TMEM242: variants seen among roughly 807,000 people sequenced by gnomAD.
TMEM242 encodes the protein UPF0463 transmembrane protein C6orf35.
In TMEM242, 10 loss-of-function variants were observed where a neutral mutation model predicts 18.2. The ratio of observed to expected loss-of-function variants is 0.55; its 90% CI spans 0.34 to 0.93. The LOEUF (loss-of-function observed/expected upper bound fraction) is 0.93. TMEM242 is among the 40% of genes least tolerant of loss of function. The pLI, the probability that TMEM242 is intolerant of heterozygous loss-of-function variation, is 0.02. For synonymous variants in TMEM242, 57 were observed against 69.9 expected (o/e 0.81, Z 0.92); for missense variants, 186 against 175.5 (o/e 1.06, Z -0.34).
chr6:157,295,998 T>G (rs587683491), intron 3 of TMEM242, among the ~76,000 whole-genome samples: 1 of 152,362 alleles, frequency 6.6e-6, no homozygotes, highest in South Asian at 2.1e-4. Context: ...TATCAATTTC[T>G]GATATGCAGT....
intron 3 of TMEM242, among the ~76,000 whole-genome samples, chr6:157,301,660 GC>G (rs1562379409): frequency 6.6e-6 from 1 of 152,208 alleles, no homozygotes; most frequent in Non-Finnish European, 1.5e-5. Flanking sequence ...AGGGCTGGAC[GC>G]AGTGGCTCAC....
chr6:157,306,263 A>G (rs1777917792), intron 3 of TMEM242, among the ~76,000 whole-genome samples: 1 of 152,226 alleles, frequency 6.6e-6, no homozygotes, highest in African/African-American at 2.4e-5. Flanking sequence ...GCAGAAGGGC[A>G]GAGAAAGGGC....
In TMEM242 at chr6:157,314,138, G is replaced by A. The variant is rs1443911434; in HGVS notation, c.327+4644C>T. Among the ~76,000 whole-genome samples the A allele has an allele frequency of 3.5e-3, 8 of 2,292 alleles. No homozygotes were observed. The East Asian group carries it at 0.071, about 20-fold the overall frequency. 1.5% of individuals were successfully genotyped at this position (2,292 alleles called of 152,430 possible). On this transcript the variant is annotated intron_variant, in intron 3 of 3. Transcript: ENST00000400788. ...ATTGTGTCCCAGTGTGCGCTCACCC[G>A]GCCTCATCATAGTGTCCCTGTGTGC...
chr6:157,309,201 T>G (rs1425984419), intron 3 of TMEM242, among the ~76,000 whole-genome samples: 1 of 152,154 alleles, frequency 6.6e-6, no homozygotes, highest in East Asian at 1.9e-4. Context: ...CACAAGATGC[T>G]CCAAAAGGAT....
chr6:157,322,838 TAAAA>T, intron 1 of TMEM242, 33 bp from the exon 2 acceptor site: 1 of 1,538,692 alleles, frequency 6.5e-7, no homozygotes, highest in African/African-American at 1.4e-5. Flanking sequence ...GGGGGGATAT[TAAAA>T]AAAATTAAAT....
At chr6:157,317,335 T>C (rs1554250433) in intron 3 of TMEM242, among the ~76,000 whole-genome samples, 1 of 152,196 alleles carries the variant, frequency 6.6e-6, no homozygotes, top group East Asian at 1.9e-4. Flanking sequence ...GTCCTCATCT[T>C]ACGTAACTTA....
At chr6:157,318,982 GGT>G in intron 2 of TMEM242, 63 bp from the exon 3 acceptor site, 1 of 1,474,884 alleles carries the variant, frequency 6.8e-7, no homozygotes, top group Non-Finnish European at 9.0e-7. Flanking sequence ...GCATTCTGGG[GGT>G]GTTTGCAAAT....
chr6:157,323,360 G>A lies in TMEM242; in HGVS notation c.88+52C>T. On this transcript the variant is annotated intron_variant, in intron 1 of 3. Transcript: ENST00000400788. ...GAATGCCCGCTCCAGAGCAAGCCAG[G>A]GTCCGGGGTTAACTCACCCCGACGC... 3 of 1,583,476 alleles carry A rather than the reference G, an allele frequency of 1.9e-6. 1 individual carries two copies. Among genetic ancestry groups the A allele is most frequent in the South Asian group, 2.2e-5 (2 of 89,928 alleles).
At chr6:157,311,559 CA>C (rs1778101811) in intron 3 of TMEM242, among the ~76,000 whole-genome samples, 1 of 121,974 alleles carries the variant, frequency 8.2e-6, no homozygotes, top group Admixed American at 8.5e-5. Flanking sequence ...AGTGTGCGCT[CA>C]CCTAGCCTCA....
chr6:157,311,336 T>G (rs797038612), intron 3 of TMEM242, among the ~76,000 whole-genome samples: 1 of 107,612 alleles, frequency 9.3e-6, no homozygotes, highest in Non-Finnish European at 2.0e-5. Context: ...AGCCTCATCA[T>G]AGTGTCCCAG....
At chr6:157,302,129 G>C (rs1554247574) in intron 3 of TMEM242, among the ~76,000 whole-genome samples, 2 of 152,148 alleles carry the variant, frequency 1.3e-5, no homozygotes, top group East Asian at 1.9e-4. Context: ...AAGGGGACTA[G>C]GTACATGAAT....
At chr6:157,312,909 C>T (rs1554249509) in intron 3 of TMEM242, among the ~76,000 whole-genome samples, 23 of 133,236 alleles carry the variant, frequency 1.7e-4, no homozygotes, top group Non-Finnish European at 2.6e-4. Context: ...TCCCACTGTG[C>T]GCTCACCCGG....
intron 3 of TMEM242, among the ~76,000 whole-genome samples, chr6:157,303,442 T>C (rs1329732524): frequency 6.6e-6 from 1 of 152,212 alleles, no homozygotes; most frequent in Non-Finnish European, 1.5e-5. Flanking sequence ...TTTGTGGCTA[T>C]TTTCAAAGCC....
intron 3 of TMEM242, among the ~76,000 whole-genome samples, chr6:157,307,917 G>A (rs1485490082): frequency 2.0e-5 from 3 of 152,144 alleles, no homozygotes; most frequent in African/African-American, 4.8e-5. Flanking sequence ...CTTCCTGGGG[G>A]CAGAAGCTGG....
intron 3 of TMEM242, among the ~76,000 whole-genome samples, chr6:157,307,399 T>C (rs141357114): frequency 0.01 from 1,556 of 152,310 alleles, 31 homozygotes; most frequent in African/African-American, 0.035. Context: ...GATAAAATGC[T>C]TGGGGTGCTA....
At chr6:157,310,673 C>G (rs983759286) in intron 3 of TMEM242, among the ~76,000 whole-genome samples, 10 of 151,156 alleles carry the variant, frequency 6.6e-5, no homozygotes, top group African/African-American at 2.5e-4. Flanking sequence ...TCATAGTGTC[C>G]CAGTGTGCGC....
At chr6:157,314,083 A>C (rs377632921) in intron 3 of TMEM242, among the ~76,000 whole-genome samples, 4,459 of 21,004 alleles carry the variant, frequency 0.21, 121 homozygotes, top group Admixed American at 0.27. Flanking sequence ...CTCATCATAG[A>C]GCCCCAGTGT....
chr6:157,302,956 C>G (rs1238166259), intron 3 of TMEM242, among the ~76,000 whole-genome samples: 1 of 152,212 alleles, frequency 6.6e-6, no homozygotes, highest in African/African-American at 2.4e-5. Context: ...ACCCAGCTCT[C>G]AAATCCTCCT....
chr6:157,311,794 A>G (rs1489661069), intron 3 of TMEM242, among the ~76,000 whole-genome samples: 1 of 436 alleles, frequency 2.3e-3, no homozygotes, highest in Non-Finnish European at 4.2e-3. Flanking sequence ...CCCCGTGTGC[A>G]CACACCGAGC....
Sources: allele counts gnomAD v4.1 joint callset (sites outside exome capture counted in the v4.1 genomes callset), GRCh38; gene constraint gnomAD v4.1.1; transcripts MANE v1.5; gene names NCBI Gene and HGNC (gene_info 2026-07-23, HGNC 2026-07-21).